The following GATAD2B variants were observed in gnomAD, a reference collection of about 807,000 sequenced individuals.
GATAD2B encodes the protein transcriptional repressor p66-beta.
GATAD2B carries 8 observed loss-of-function variants against 64.3 expected under a neutral mutation model. The observed-to-expected ratio is 0.12, with a 90% CI of 0.07 to 0.22. The LOEUF is 0.22. Ranked by LOEUF, GATAD2B falls within the 10% of genes least tolerant of loss-of-function variation. The pLI is 1.00. For synonymous variants in GATAD2B, 281 were observed against 271.3 expected (o/e 1.04, Z -0.35); for missense variants, 453 against 752.0 (o/e 0.60, Z 4.65).
intron 1 of GATAD2B, among the ~76,000 whole-genome samples, chr1:153,869,464 G>T (rs1468830664): frequency 1.3e-5 from 2 of 152,034 alleles, no homozygotes; most frequent in South Asian, 2.1e-4. Context: ...TACCCCATGG[G>T]TTATAATCTA....
chr1:153,854,832 C>T, intron 1 of GATAD2B, among the ~76,000 whole-genome samples: 1 of 152,116 alleles, frequency 6.6e-6, no homozygotes. Flanking sequence ...TTGCTGTTAC[C>T]TTACCGTAGG....
intron 1 of GATAD2B, among the ~76,000 whole-genome samples, chr1:153,916,506 T>C (rs1186366000): frequency 2.0e-5 from 3 of 152,186 alleles, no homozygotes; most frequent in Non-Finnish European, 4.4e-5. Context: ...GTTGGAAATG[T>C]TGAGTTTGAG....
In GATAD2B at chr1:153,819,710, G is replaced by GT. The variant is rs1457800011; in HGVS notation, c.360_361insA (p.Pro121ThrfsTer10). 1 of 1,609,638 alleles carries GT rather than the reference G, an allele frequency of 6.2e-7. No homozygotes were observed. The highest frequency in any genetic ancestry group is 8.5e-7 in the Non-Finnish European group (1 of 1,177,754). On this transcript the variant is annotated frameshift_variant, in exon 3 of 11. Transcript: ENST00000368655. LOFTEE classifies it high-confidence loss of function. ...GACAAAACAATGATGTCTGGTGAGG[G>GT]AGTTAGCCTTCCTCGCTCTGGCTCA...
intron 6 of GATAD2B, 35 bp downstream of exon 6, chr1:153,817,337 C>A: frequency 6.8e-7 from 1 of 1,472,914 alleles, no homozygotes; most frequent in Non-Finnish European, 9.0e-7. Flanking sequence ...AAAGGGATTT[C>A]TCTGTTTCCA....
chr1:153,861,673 C>T (rs1417702468), intron 1 of GATAD2B, among the ~76,000 whole-genome samples: 1 of 148,144 alleles, frequency 6.8e-6, no homozygotes, highest in Non-Finnish European at 1.5e-5. Context: ...GTCCCAGCTA[C>T]TTGGAGGTCG....
At chr1:153,889,588 C>T (rs953999957) in intron 1 of GATAD2B, 90 of 202,942 alleles carry the variant, frequency 4.4e-4, no homozygotes, top group African/African-American at 2.0e-3. Flanking sequence ...CATAATTACA[C>T]TAATGAGAAA....
intron 1 of GATAD2B, among the ~76,000 whole-genome samples, chr1:153,917,101 C>T (rs927653844): frequency 6.7e-6 from 1 of 150,132 alleles, no homozygotes; most frequent in South Asian, 2.1e-4. Context: ...CCCCCGCACC[C>T]GGCCTATTTT....
intron 1 of GATAD2B, among the ~76,000 whole-genome samples, chr1:153,859,312 A>T (rs1676191758): frequency 6.6e-6 from 1 of 151,210 alleles, no homozygotes; most frequent in Non-Finnish European, 1.5e-5. Context: ...GTCTGTAGTG[A>T]GCCATGATTC....
chr1:153,858,650 C>G (rs1676168792), intron 1 of GATAD2B, among the ~76,000 whole-genome samples: 1 of 152,088 alleles, frequency 6.6e-6, no homozygotes, highest in Non-Finnish European at 1.5e-5. Context: ...GTGAGGATCA[C>G]TTGGGTCTAT....
At chr1:153,861,705 C>A (rs1676287150) in intron 1 of GATAD2B, among the ~76,000 whole-genome samples, 1 of 146,956 alleles carries the variant, frequency 6.8e-6, no homozygotes, top group South Asian at 2.1e-4. Flanking sequence ...TCACTTGAAC[C>A]CAGGAGGCAG....
At chr1:153,835,745 C>CA (rs1186081518) in intron 1 of GATAD2B, among the ~76,000 whole-genome samples, 1 of 152,012 alleles carries the variant, frequency 6.6e-6, no homozygotes, top group African/African-American at 2.4e-5. Flanking sequence ...TTTTTTGAGA[C>CA]AGACTCTTGC....
intron 1 of GATAD2B, among the ~76,000 whole-genome samples, chr1:153,856,516 G>A (rs1413746387): frequency 2.0e-5 from 3 of 152,062 alleles, no homozygotes; most frequent in East Asian, 3.8e-4. Context: ...TTTTCTATAT[G>A]CTTAAATATT....
intron 7 of GATAD2B, among the ~76,000 whole-genome samples, 163 bp from the exon 8 acceptor site, chr1:153,813,615 A>G (rs947592872): frequency 3.9e-5 from 6 of 152,264 alleles, no homozygotes; most frequent in Admixed American, 2.0e-4. Context: ...TCATCTGATT[A>G]TAACAGTATC....
intron 2 of GATAD2B, among the ~76,000 whole-genome samples, chr1:153,824,912 C>T (rs1362029901): frequency 6.6e-6 from 1 of 152,038 alleles, no homozygotes; most frequent in Non-Finnish European, 1.5e-5. Flanking sequence ...AGCGAAACCT[C>T]GTCTCTACTA....
At chr1:153,913,531 T>C (rs1267099673) in intron 1 of GATAD2B, among the ~76,000 whole-genome samples, 1 of 152,178 alleles carries the variant, frequency 6.6e-6, no homozygotes, top group Non-Finnish European at 1.5e-5. Context: ...GGGAATGCAC[T>C]GAAGGTGAAG....
intron 2 of GATAD2B, chr1:153,827,700 G>A (rs1274033976): frequency 1.3e-5 from 4 of 304,926 alleles, no homozygotes; most frequent in African/African-American, 2.2e-5. Context: ...CTCCTAAGAC[G>A]GCCATGAAGA....
At chr1:153,865,568 C>T (rs555873331) in intron 1 of GATAD2B, among the ~76,000 whole-genome samples, 30 of 152,320 alleles carry the variant, frequency 2.0e-4, no homozygotes, top group African/African-American at 7.0e-4. Context: ...ATGCCAACTA[C>T]ATTTTACCGA....
intron 1 of GATAD2B, among the ~76,000 whole-genome samples, chr1:153,883,741 A>G (rs1677076639): frequency 6.6e-6 from 1 of 152,052 alleles, no homozygotes; most frequent in African/African-American, 2.4e-5. Context: ...TAATATAAAA[A>G]GCTTAGATAC....
chr1:153,863,819 T>G (rs746754931), intron 1 of GATAD2B, among the ~76,000 whole-genome samples: 13 of 151,902 alleles, frequency 8.6e-5, no homozygotes, highest in Non-Finnish European at 1.5e-4. Context: ...AGAGACAAGG[T>G]TTCACCATGT....
Sources: allele counts gnomAD v4.1 joint callset (sites outside exome capture counted in the v4.1 genomes callset), GRCh38; gene constraint gnomAD v4.1.1; transcripts MANE v1.5; gene names NCBI Gene and HGNC (gene_info 2026-07-23, HGNC 2026-07-21).